The following SHPK variants were observed in gnomAD, a reference collection of about 807,000 sequenced individuals.
SHPK encodes the protein carbohydrate kinase-like protein.
SHPK carries 51 observed loss-of-function variants against 46.3 expected under a neutral mutation model. The observed-to-expected ratio is 1.10, with a 90% CI of 0.88 to 1.39. The LOEUF (loss-of-function observed/expected upper bound fraction) is 1.39, where lower values mean the gene tolerates loss of function less well. Among genes scored for constraint, SHPK ranks in the 40% most tolerant of loss-of-function variants. The pLI is 0.00. For synonymous variants in SHPK, 290 were observed against 273.9 expected (o/e 1.06, Z -0.58); for missense variants, 668 against 641.3 (o/e 1.04, Z -0.45).
Position 3,615,319 on chromosome 17 carries a change from G to T in SHPK, c.1024+18C>A. On this transcript the variant is annotated intron_variant, in intron 6 of 6. Transcript: ENST00000225519. ...AAGGACAGGCAGAGAACACAGCGCT[G>T]TGTGGGCCACACCTTACCTAGATCT... 1 of 1,612,850 alleles carries T rather than the reference G, an allele frequency of 6.2e-7. No individual in the cohort carries two copies.
intron 4 of SHPK, chr17:3,622,628 T>C: frequency 1.0e-6 from 1 of 981,740 alleles, no homozygotes; most frequent in Non-Finnish European, 1.2e-6. Context: ...ACTGGACTTC[T>C]GTACCTGAAA....
At position 3,633,398 on chromosome 17, in the gene SHPK, T is replaced by A. The variant is rs548509812; in HGVS notation, c.168+2654A>T. 1.2e-4 allele frequency among the ~76,000 whole-genome samples: 18 copies of A among 151,284 alleles called. No individual in the cohort carries two copies. The South Asian group carries it at 3.3e-3, about 28-fold the overall frequency. On this transcript the variant is annotated intron_variant, in intron 1 of 6. Coordinates refer to ENST00000225519, the MANE Select transcript of SHPK (RefSeq NM_013276.4). ...TCTGGGGAAGAGGGGCAAGCGTGGC[T>A]GGCATCTAGTGGGCCAGAGATGTTG... is the stretch of plus-strand genomic sequence containing the variant.
intron 1 of SHPK, among the ~76,000 whole-genome samples, chr17:3,631,178 G>A (rs967180210): frequency 2.0e-5 from 3 of 152,050 alleles, no homozygotes; most frequent in African/African-American, 7.2e-5. Context: ...GGGAGTACAG[G>A]GGAAGCACAG....
chr17:3,633,333 G>A (rs896936593), intron 1 of SHPK, among the ~76,000 whole-genome samples: 1 of 151,360 alleles, frequency 6.6e-6, no homozygotes, highest in Admixed American at 6.6e-5. Context: ...TTGTCACCTA[G>A]GGAACATTTG....
In SHPK at chr17:3,610,662, C is replaced by T. The variant is rs1303546489; in HGVS notation, c.1335G>A (p.Gln445=). ...SRNDVLKQEV[Q]RAFPLPMSFG... ...AGGACATGGGCAAAGGGAAAGCCCT[C>T]TGCACCTCCTGCTTCAGCACGTCAT... The change falls in exon 7 of 7, where the codon CAG becomes CAA. Residue 445 remains glutamine (Q), a synonymous_variant. Transcript: ENST00000225519. The T allele has an allele frequency of 8.7e-6, 14 of 1,614,084 alleles. No individual in the cohort carries two copies. Among genetic ancestry groups the T allele is most frequent in the Non-Finnish European group, 1.1e-5 (13 of 1,179,992 alleles).
At chr17:3,630,151 C>G in intron 2 of SHPK, 54 bp downstream of exon 2, 3 of 1,610,160 alleles carry the variant, frequency 1.9e-6, no homozygotes, top group South Asian at 1.1e-5. Context: ...CAGCACTGCT[C>G]TAGTTCTGGA....
intron 1 of SHPK, among the ~76,000 whole-genome samples, chr17:3,634,540 C>A (rs1378870737): frequency 6.8e-6 from 1 of 147,874 alleles, no homozygotes; most frequent in Non-Finnish European, 1.5e-5. Context: ...CCACTGCACT[C>A]CAGCCTGGGT....
At chr17:3,611,001 G>A (rs761162888) in intron 6 of SHPK, 29 bp from the exon 7 acceptor site, 27 of 1,571,678 alleles carry the variant, frequency 1.7e-5, no homozygotes, top group East Asian at 2.3e-5. Flanking sequence ...ATCTGTGTAA[G>A]CTCATGCGTC....
chr17:3,610,528 C>T lies in SHPK; in HGVS notation c.*32G>A. On this transcript the variant is annotated 3_prime_UTR_variant, in exon 7 of 7. Coordinates refer to ENST00000225519, the MANE Select transcript of SHPK (RefSeq NM_013276.4). The stretch of plus-strand genomic sequence containing the variant: ...TCAGGAATGTTAATCAGGTAAAATT[C>T]ACAGCAGTCGTTTGGCGAAAGAGTT... The T allele has an allele frequency of 6.4e-7, 1 of 1,563,262 alleles. No individual in the cohort carries two copies. Among genetic ancestry groups the T allele is most frequent in the Non-Finnish European group, 8.7e-7 (1 of 1,150,138 alleles).
At chr17:3,619,376 G>A in intron 5 of SHPK, 1 of 1,532,622 alleles carries the variant, frequency 6.5e-7, no homozygotes, top group South Asian at 1.1e-5. Context: ...ACCATTCCGG[G>A]TGATGATTCA....
chr17:3,621,120 T>A (rs901457641), intron 5 of SHPK, 117 bp downstream of exon 5: 2 of 841,330 alleles, frequency 2.4e-6, no homozygotes, highest in Admixed American at 6.1e-5. Flanking sequence ...AGAATAATGA[T>A]CTCCAGCAGG....
At position 3,624,140 on chromosome 17, in the gene SHPK, GC is replaced by G; in HGVS notation, c.401del (p.Ser134ThrfsTer29). On this transcript the variant is annotated frameshift_variant, in exon 3 of 7. Coordinates refer to ENST00000225519, the MANE Select transcript of SHPK (RefSeq NM_013276.4). LOFTEE classifies it high-confidence loss of function. ...LVTWQDGRCS[S>X]EFLASLPQPK... Reference sequence around the variant, plus strand: ...GCTGGGGCAGAGAGGCCAGGAATTCGCTGCTACATCGGCCATCCTGCCACGT... The same window carrying G: ...GCTGGGGCAGAGAGGCCAGGAATTCGTGCTACATCGGCCATCCTGCCACGT... The G allele has an allele frequency of 6.2e-7, 1 of 1,614,148 alleles. No individual in the cohort carries two copies. Among genetic ancestry groups the G allele is most frequent in the Non-Finnish European group, 8.5e-7 (1 of 1,179,996 alleles).
chr17:3,619,448 G>A (rs574206797), intron 5 of SHPK: 88 of 1,347,080 alleles, frequency 6.5e-5, no homozygotes, highest in Middle Eastern at 1.9e-4. Flanking sequence ...AAATTTGGAC[G>A]GAGAGGCCGG....
At chr17:3,618,939 T>G (rs2075383754) in intron 5 of SHPK, among the ~76,000 whole-genome samples, 1 of 152,282 alleles carries the variant, frequency 6.6e-6, no homozygotes, top group East Asian at 1.9e-4. Flanking sequence ...GCAGAATTGC[T>G]GGGGCCTGTG....
chr17:3,623,813 C>T (rs548101376), intron 3 of SHPK, among the ~76,000 whole-genome samples: 1 of 152,330 alleles, frequency 6.6e-6, no homozygotes, highest in African/African-American at 2.4e-5. Context: ...AAGTCACTTG[C>T]CCTCTCTGTT....
intron 6 of SHPK, among the ~76,000 whole-genome samples, chr17:3,612,891 A>G (rs146951565): frequency 0.014 from 2,203 of 152,050 alleles, 25 homozygotes; most frequent in Middle Eastern, 0.027. Flanking sequence ...AGCTGGGACT[A>G]CAGGTGCATG....
At chr17:3,618,614 T>C (rs1239850400) in intron 5 of SHPK, among the ~76,000 whole-genome samples, 2 of 152,028 alleles carry the variant, frequency 1.3e-5, no homozygotes, top group African/African-American at 4.8e-5. Flanking sequence ...ACCCTGTCTC[T>C]ACTAAAAATA....
At chr17:3,631,066 G>A (rs2075468227) in intron 1 of SHPK, among the ~76,000 whole-genome samples, 2 of 152,002 alleles carry the variant, frequency 1.3e-5, no homozygotes, top group East Asian at 1.9e-4. Context: ...CCTCTCGCTT[G>A]CCCCTGTCAG....
intron 1 of SHPK, 144 bp from the exon 2 acceptor site, chr17:3,630,490 T>C: frequency 2.3e-6 from 2 of 853,842 alleles, no homozygotes; most frequent in Non-Finnish European, 3.5e-6. Context: ...TGCAGGTGAG[T>C]TGCAGCAAAC....
Sources: gnomAD v4.1 joint callset for allele counts (sites outside exome capture counted in the v4.1 genomes callset) on GRCh38, gnomAD v4.1.1 for gene constraint, MANE v1.5 for transcripts, NCBI Gene and HGNC (gene_info 2026-07-23, HGNC 2026-07-21) for gene names.